TENM2: variants seen among roughly 807,000 people sequenced by gnomAD.
TENM2 encodes teneurin transmembrane protein 2.
Under a neutral mutation model 245.2 loss-of-function variants are expected in TENM2, and 52 were observed. The ratio of observed to expected loss-of-function variants is 0.21; its 90% CI spans 0.17 to 0.27. The LOEUF (loss-of-function observed/expected upper bound fraction) is 0.27, where lower values mean the gene tolerates loss of function less well. Among genes scored for constraint, TENM2 ranks in the 10% least tolerant of loss-of-function variants. The pLI is 1.00. For missense variants in TENM2, 3,046 were observed against 3,666.8 expected, an observed-to-expected ratio of 0.83 and a Z score of 4.37; for synonymous variants, 1,363 against 1,438.9, an observed-to-expected ratio of 0.95 and a Z score of 1.19.
rs757440620 is a variant in TENM2, at chr5:168,162,603, C to T, written c.2423-8C>T. The stretch of plus-strand genomic sequence containing the variant: ...CCTCCTTCTCATCCTCTCCATTTCT[C>T]CAACCAGATGGCTGCCCTGACTTGT... On this transcript the variant is annotated splice_region_variant and splice_polypyrimidine_tract_variant and intron_variant, in intron 12 of 28. Coordinates refer to ENST00000518659, the Ensembl canonical transcript of TENM2. 3.7e-6 allele frequency: 6 copies of T among 1,612,962 alleles called. No individual in the cohort carries two copies. The Admixed American group carries it at 1.0e-4, about 27-fold the overall frequency.
At chr5:168,060,465 G>T (rs558515470) in intron 6 of TENM2, among the ~76,000 whole-genome samples, 1 of 152,040 alleles carries the variant, frequency 6.6e-6, no homozygotes, top group Admixed American at 6.6e-5. Flanking sequence ...TAAATAAACC[G>T]TCTAGTCCCC....
chr5:167,580,817 C>T (rs1052750927), intron 2 of TENM2, among the ~76,000 whole-genome samples: 1 of 152,184 alleles, frequency 6.6e-6, no homozygotes, highest in East Asian at 1.9e-4. Context: ...GGTGAAATCT[C>T]ATCTCTACAA....
At chr5:166,999,397 C>A in the TENM2 span, among the ~76,000 whole-genome samples, 1 of 152,074 alleles carries the variant, frequency 6.6e-6, no homozygotes. Context: ...ATACCAGAAC[C>A]ACATCGAAAA....
chr5:167,342,134 C>T (rs1043243968), intron 1 of TENM2, among the ~76,000 whole-genome samples: 1 of 152,132 alleles, frequency 6.6e-6, no homozygotes, highest in Non-Finnish European at 1.5e-5. Context: ...AACTAAAGCT[C>T]ATACTTTATA....
At chr5:167,797,800 C>T (rs1393793326) in intron 2 of TENM2, among the ~76,000 whole-genome samples, 1 of 152,118 alleles carries the variant, frequency 6.6e-6, no homozygotes, top group Non-Finnish European at 1.5e-5. Context: ...GAAATGAGTA[C>T]TCTGTCAGAA....
the TENM2 span, among the ~76,000 whole-genome samples, chr5:167,068,748 T>G: frequency 6.6e-6 from 1 of 152,320 alleles, no homozygotes; most frequent in African/African-American, 2.4e-5. Context: ...GAGTGAATAA[T>G]ATTAGTTGAC....
At chr5:167,694,280 G>A (rs528733555) in intron 2 of TENM2, among the ~76,000 whole-genome samples, 62 of 152,164 alleles carry the variant, frequency 4.1e-4, no homozygotes, top group Non-Finnish European at 7.1e-4. Flanking sequence ...AAGCACCTGG[G>A]GATCTCTACA....
intron 6 of TENM2, among the ~76,000 whole-genome samples, chr5:168,057,911 A>G (rs997480891): frequency 2.1e-5 from 3 of 140,788 alleles, no homozygotes; most frequent in South Asian, 2.3e-4. Flanking sequence ...GACAGTTTCA[A>G]TATGGCTTTA....
the TENM2 span, among the ~76,000 whole-genome samples, chr5:167,158,769 T>A: frequency 6.6e-5 from 10 of 151,992 alleles, no homozygotes; most frequent in African/African-American, 2.4e-4. Context: ...AAGTCCCCAT[T>A]TCCAAGTACC....
chr5:167,322,023 G>C (rs1215591525), intron 1 of TENM2, among the ~76,000 whole-genome samples: 1 of 151,628 alleles, frequency 6.6e-6, no homozygotes, highest in Non-Finnish European at 1.5e-5. Context: ...GTAGACACAG[G>C]GTTTCACCTT....
the TENM2 span, among the ~76,000 whole-genome samples, chr5:167,044,692 G>A: frequency 2.0e-5 from 3 of 152,294 alleles, no homozygotes; most frequent in East Asian, 1.9e-4. Context: ...GAGAACCAGC[G>A]GGGCTCATAT....
the TENM2 span, among the ~76,000 whole-genome samples, chr5:167,224,923 G>T: frequency 6.6e-6 from 1 of 151,740 alleles, no homozygotes; most frequent in African/African-American, 2.4e-5. Flanking sequence ...TCACCTCTTT[G>T]GTTAAATTTA....
At chr5:167,840,592 C>T (rs1260650138) in intron 2 of TENM2, among the ~76,000 whole-genome samples, 2 of 151,960 alleles carry the variant, frequency 1.3e-5, no homozygotes, top group East Asian at 1.9e-4. Context: ...ATCAGCAAAC[C>T]GTCTAGAAGC....
intron 2 of TENM2, among the ~76,000 whole-genome samples, chr5:167,470,360 A>G (rs930004247): frequency 3.3e-4 from 50 of 150,906 alleles, no homozygotes; most frequent in Admixed American, 3.3e-3. Context: ...TCAATTATAA[A>G]TCATCATTTT....
chr5:168,122,710 C>T (rs772270234), intron 10 of TENM2, among the ~76,000 whole-genome samples: 48 of 151,878 alleles, frequency 3.2e-4, no homozygotes, highest in Non-Finnish European at 5.9e-4. Flanking sequence ...GGGAGTGTAC[C>T]CCTGATTTTT....
At chr5:167,040,006 T>C in the TENM2 span, among the ~76,000 whole-genome samples, 6 of 152,200 alleles carry the variant, frequency 3.9e-5, no homozygotes, top group Admixed American at 6.5e-5. Flanking sequence ...CTTGTATCTG[T>C]CTGCATAGAG....
chr5:168,251,139 A>G (rs1434520381), intron 27 of TENM2, among the ~76,000 whole-genome samples: 2 of 152,160 alleles, frequency 1.3e-5, no homozygotes, highest in African/African-American at 2.4e-5. Flanking sequence ...CCTGGTTGGT[A>G]TCAGACACCT....
At chr5:167,216,298 T>C in the TENM2 span, among the ~76,000 whole-genome samples, 1 of 152,152 alleles carries the variant, frequency 6.6e-6, no homozygotes, top group Admixed American at 6.5e-5. Flanking sequence ...TCACAGATTA[T>C]TTATGGGGAA....
chr5:167,609,508 A>C (rs3052027), intron 2 of TENM2, among the ~76,000 whole-genome samples: 5,868 of 72,946 alleles, frequency 0.08, 113 homozygotes, highest in Non-Finnish European at 0.12. Context: ...AAAAAAAAAA[A>C]AAAACAAAAC....
Sources: gnomAD v4.1 joint callset for allele counts (sites outside exome capture counted in the v4.1 genomes callset) on GRCh38, gnomAD v4.1.1 for gene constraint, MANE v1.5 for transcripts, NCBI Gene and HGNC (gene_info 2026-07-23, HGNC 2026-07-21) for gene names.